Variants in A1CF observed in about 807,000 individuals in gnomAD.
A1CF encodes the protein APOBEC-1 stimulating protein.
In A1CF, 48 loss-of-function variants were observed where a neutral mutation model predicts 68.9. That is an observed-to-expected ratio of 0.70 (90% CI 0.55 to 0.89). A1CF has a LOEUF of 0.89. Among genes scored for constraint, A1CF ranks in the 40% least tolerant of loss-of-function variants. The probability of loss-of-function intolerance (pLI) is 0.00; values close to 1 mark genes in which losing one functional copy is unlikely to be tolerated. For synonymous variants in A1CF, 272 were observed against 260.4 expected, an observed-to-expected ratio of 1.04 and a Z score of -0.43; for missense variants, 653 against 718.9, an observed-to-expected ratio of 0.91 and a Z score of 1.05.
chr10:50,841,273 C>G (rs993435767), intron 5 of A1CF, among the ~76,000 whole-genome samples: 2 of 152,136 alleles, frequency 1.3e-5, no homozygotes, highest in Non-Finnish European at 2.9e-5. Flanking sequence ...CTCTCTTTAC[C>G]CTCTCCGGCC....
At chr10:50,885,035 C>T (rs1841942352) in intron 1 of A1CF, among the ~76,000 whole-genome samples, 1 of 152,174 alleles carries the variant, frequency 6.6e-6, no homozygotes, top group Non-Finnish European at 1.5e-5. Flanking sequence ...ATAGTTTAAA[C>T]ATTCCTTTGG....
intron 6 of A1CF, among the ~76,000 whole-genome samples, chr10:50,831,045 T>C (rs773755950): frequency 2.0e-5 from 3 of 152,010 alleles, no homozygotes; most frequent in Non-Finnish European, 4.4e-5. Context: ...GTAAGGAAAA[T>C]TGGATATCCA....
intron 1 of A1CF, among the ~76,000 whole-genome samples, chr10:50,885,210 T>C (rs1221077771): frequency 1.3e-5 from 2 of 152,208 alleles, no homozygotes; most frequent in South Asian, 2.1e-4. Flanking sequence ...ATACTATTTC[T>C]TTTGTTAATT....
chr10:50,884,882 A>C (rs1465517816), intron 1 of A1CF, among the ~76,000 whole-genome samples: 1 of 152,232 alleles, frequency 6.6e-6, no homozygotes, highest in African/African-American at 2.4e-5. Flanking sequence ...GTACACAAAA[A>C]AAATATGTGA....
At chr10:50,838,778 A>G (rs961023002) in intron 5 of A1CF, among the ~76,000 whole-genome samples, 3 of 152,186 alleles carry the variant, frequency 2.0e-5, no homozygotes, top group African/African-American at 7.2e-5. Flanking sequence ...GCAGAGTGCA[A>G]GTAGGTGAGG....
chr10:50,877,561 G>C (rs1167819792), intron 1 of A1CF, among the ~76,000 whole-genome samples: 1 of 152,200 alleles, frequency 6.6e-6, no homozygotes, highest in African/African-American at 2.4e-5. Context: ...ACACTTGTAA[G>C]GAAAGATAGC....
intron 7 of A1CF, 124 bp downstream of exon 7, chr10:50,828,005 AAC>A (rs1319113854): frequency 3.4e-6 from 2 of 593,904 alleles, no homozygotes; most frequent in African/African-American, 3.7e-5. Context: ...GAATACTATA[AAC>A]ACCTCTATGC....
chr10:50,858,316 G>A (rs1840581860), intron 3 of A1CF, among the ~76,000 whole-genome samples: 6 of 151,612 alleles, frequency 4.0e-5, no homozygotes, highest in Non-Finnish European at 7.4e-5. Context: ...CATGTGGGGG[G>A]AAAAGGAAGA....
At chr10:50,864,735 C>T (rs1451313133) in intron 1 of A1CF, among the ~76,000 whole-genome samples, 1 of 152,152 alleles carries the variant, frequency 6.6e-6, no homozygotes. Context: ...TCTCCTGCCT[C>T]AGCCTCCCGA....
At chr10:50,827,030 CAAAG>C (rs1244119370) in intron 7 of A1CF, among the ~76,000 whole-genome samples, 2 of 152,100 alleles carry the variant, frequency 1.3e-5, no homozygotes, top group South Asian at 2.1e-4. Flanking sequence ...TCAAAAGAGA[CAAAG>C]AAGGCCATTA....
At chr10:50,845,687 C>T (rs1301663841) in intron 3 of A1CF, among the ~76,000 whole-genome samples, 2 of 152,196 alleles carry the variant, frequency 1.3e-5, no homozygotes, top group African/African-American at 4.8e-5. Flanking sequence ...GGCATGGTGG[C>T]TTATGCCTGT....
rs979635407 is a variant in A1CF, at chr10:50,873,700, G to A, written c.-93-9620C>T. 2.4e-4 allele frequency among the ~76,000 whole-genome samples: 37 copies of A among 152,112 alleles called. 1 individual carries two copies. The highest frequency in any genetic ancestry group is 2.0e-3 in the Admixed American group (30 of 15,262). ...TAAATTGTTATTTTTGCAAGGATGC[G>A]TAGGGCTAGCTGATGTTTGATTACT... On this transcript the variant is annotated intron_variant, in intron 1 of 12. Transcript: ENST00000373997.
intron 3 of A1CF, among the ~76,000 whole-genome samples, chr10:50,858,884 C>T (rs972791863): frequency 6.6e-6 from 1 of 151,956 alleles, no homozygotes; most frequent in Non-Finnish European, 1.5e-5. Flanking sequence ...TTAAAAAAGA[C>T]TAACGCTCTT....
At chr10:50,838,779 G>A (rs1318710488) in intron 5 of A1CF, among the ~76,000 whole-genome samples, 3 of 152,208 alleles carry the variant, frequency 2.0e-5, no homozygotes, top group African/African-American at 4.8e-5. Flanking sequence ...CAGAGTGCAA[G>A]TAGGTGAGGT....
intron 6 of A1CF, among the ~76,000 whole-genome samples, chr10:50,834,282 A>G (rs1015945767): frequency 6.6e-6 from 1 of 152,194 alleles, no homozygotes; most frequent in Non-Finnish European, 1.5e-5. Context: ...GTTTTTACAG[A>G]TAATGAATGG....
In A1CF at chr10:50,836,305, G is replaced by A. The variant is rs375285515; in HGVS notation, c.373C>T (p.Arg125Cys). Residue 125 changes from arginine (R) to cysteine (C), a missense_variant, in exon 6 of 13, where the codon CGC (arginine) becomes TGC (cysteine). Coordinates refer to ENST00000373997, the MANE Select transcript of A1CF (RefSeq NM_014576.4). Reference protein sequence around the residue: ...QLNNYEIRNGRLLGVCASVDN... With the variant: ...QLNNYEIRNGCLLGVCASVDN... ...ACACTGGCACAAACCCCTAAGAGGC[G>A]CCCATTTCTGCAAAAAGAGCAGGGA... 24 of 1,609,146 alleles carry A rather than the reference G, an allele frequency of 1.5e-5. No individual in the cohort carries two copies. The East Asian group carries it at 2.5e-4, about 16-fold the overall frequency.
chr10:50,872,377 A>G (rs1209579963), intron 1 of A1CF, among the ~76,000 whole-genome samples: 1 of 152,166 alleles, frequency 6.6e-6, no homozygotes, highest in East Asian at 1.9e-4. Flanking sequence ...AAATCAAGGT[A>G]GAGAGAGGCT....
chr10:50,868,062 T>G (rs1407527682), intron 1 of A1CF, among the ~76,000 whole-genome samples: 1 of 152,198 alleles, frequency 6.6e-6, no homozygotes, highest in African/African-American at 2.4e-5. Context: ...CATGATGGCT[T>G]CACTTGCCTC....
At chr10:50,878,871 C>T (rs529863105) in intron 1 of A1CF, among the ~76,000 whole-genome samples, 3 of 152,242 alleles carry the variant, frequency 2.0e-5, no homozygotes, top group South Asian at 4.1e-4. Flanking sequence ...AATGACTTTA[C>T]TAACAAAATT....
Sources: allele counts gnomAD v4.1 joint callset (sites outside exome capture counted in the v4.1 genomes callset), GRCh38; gene constraint gnomAD v4.1.1; transcripts MANE v1.5; gene names NCBI Gene and HGNC (gene_info 2026-07-23, HGNC 2026-07-21).